The following NUP85 variants were observed in gnomAD, a reference collection of about 807,000 sequenced individuals.
The protein encoded by NUP85 is nucleoporin 85, also known as nuclear pore complex protein Nup85.
Under a neutral mutation model 92.8 loss-of-function variants are expected in NUP85, and 23 were observed. The ratio of observed to expected loss-of-function variants is 0.25; its 90% CI spans 0.18 to 0.35. The LOEUF (loss-of-function observed/expected upper bound fraction) is 0.35, where lower values mean the gene tolerates loss of function less well. Ranked by LOEUF, NUP85 falls within the 10% of genes least tolerant of loss-of-function variation. The pLI is 1.00. For synonymous variants in NUP85, 314 were observed against 306.9 expected (o/e 1.02, Z -0.24); for missense variants, 759 against 822.8 (o/e 0.92, Z 0.95).
At chr17:75,210,849 C>A (rs947141860) in intron 3 of NUP85, among the ~76,000 whole-genome samples, 2 of 148,724 alleles carry the variant, frequency 1.3e-5, no homozygotes, top group Non-Finnish European at 3.0e-5. Flanking sequence ...CTACAGGCGC[C>A]TGCCACCACA....
chr17:75,228,615 G>T, intron 11 of NUP85: 1 of 985,452 alleles, frequency 1.0e-6, no homozygotes, highest in Non-Finnish European at 1.2e-6. Context: ...TCAGACCCAT[G>T]CACAGTTCTG....
intron 5 of NUP85, 93 bp from the exon 6 acceptor site, chr17:75,215,661 T>C: frequency 8.8e-7 from 1 of 1,136,332 alleles, no homozygotes; most frequent in Non-Finnish European, 1.3e-6. Context: ...AAGGAATGAC[T>C]GTCATATGAG....
rs112195342 is a variant in NUP85 at position 75,221,283 on chromosome 17, C to T, written c.597+2977C>T. Among the ~76,000 whole-genome samples, 43 of 152,162 alleles carry T rather than the reference C, an allele frequency of 2.8e-4. No individual in the cohort carries two copies. In the Middle Eastern group the frequency reaches 0.01, roughly 36 times the overall value. On this transcript the variant is annotated intron_variant, in intron 7 of 18. Transcript: ENST00000245544. ...GGGCGATCTCAGCTGGGATTATAGG[C>T]TCTCGCCATCCTGCCTGGCTCATTT...
In NUP85 at chr17:75,209,173, A is replaced by G. The variant is rs563349802; in HGVS notation, c.127+553A>G. 2.6e-5 allele frequency among the ~76,000 whole-genome samples: 4 copies of G among 152,220 alleles called. No individual in the cohort carries two copies. The South Asian group carries it at 6.2e-4, about 24-fold the overall frequency. ...CCAAAGTGACCAAATTCCTATCAGT[A>G]GCTCCCTTATTGTGAACCTTGCAGA... On this transcript the variant is annotated intron_variant, in intron 2 of 18. Coordinates refer to ENST00000245544, the MANE Select transcript of NUP85 (RefSeq NM_024844.5).
chr17:75,234,980 G>A (rs561720137), intron 17 of NUP85, 120 bp from the exon 18 acceptor site: 95 of 1,040,280 alleles, frequency 9.1e-5, no homozygotes, highest in Non-Finnish European at 3.0e-5. Context: ...TGAGGTATTC[G>A]TATACAAAGC....
chr17:75,208,771 G>A, intron 2 of NUP85, 151 bp downstream of exon 2: 3 of 655,276 alleles, frequency 4.6e-6, no homozygotes, highest in Non-Finnish European at 8.1e-6. Flanking sequence ...GATACAACAG[G>A]GTTTTGTTGT....
intron 7 of NUP85, among the ~76,000 whole-genome samples, 159 bp from the exon 8 acceptor site, chr17:75,224,944 G>A (rs528911633): frequency 4.6e-5 from 7 of 152,334 alleles, no homozygotes; most frequent in Admixed American, 4.6e-4. Context: ...CTTCTGGAGG[G>A]AAAGAGCCAT....
intron 18 of NUP85, 57 bp downstream of exon 18, chr17:75,235,258 A>G (rs1204762426): frequency 5.4e-6 from 7 of 1,288,050 alleles, no homozygotes; most frequent in Non-Finnish European, 7.7e-6. Flanking sequence ...GGCTCCCTCT[A>G]TCTCAGGCTT....
chr17:75,231,648 A>AC lies in NUP85; in HGVS notation c.1244+14dup. ...TGTTTGCTCATCCCAGGTAGGAAGGACCCCATGGGTGTGGGCTATGCGGGT... is the reference window on the plus strand; with the variant it reads ...TGTTTGCTCATCCCAGGTAGGAAGGACCCCCATGGGTGTGGGCTATGCGGGT... On this transcript the variant is annotated intron_variant, in intron 13 of 18. Coordinates refer to ENST00000245544, the MANE Select transcript of NUP85 (RefSeq NM_024844.5). The surrounding 1 kb of genome is among the most constrained non-coding windows in gnomAD (Gnocchi z 4.6). The AC allele has an allele frequency of 6.2e-7, 1 of 1,613,664 alleles. No homozygotes were observed. Among genetic ancestry groups the AC allele is most frequent in the Non-Finnish European group, 8.5e-7 (1 of 1,179,782 alleles).
At chr17:75,229,135 A>G in intron 11 of NUP85, 1 of 985,428 alleles carries the variant, frequency 1.0e-6, no homozygotes, top group Non-Finnish European at 1.2e-6. Flanking sequence ...CTAAAAGGTG[A>G]CAAGTCTTCC....
chr17:75,228,494 G>A (rs1014720293), intron 11 of NUP85: 9 of 985,292 alleles, frequency 9.1e-6, no homozygotes, highest in Middle Eastern at 5.2e-4. Context: ...TGTGAAATGG[G>A]CTGCAATGTC....
At chr17:75,222,697 A>G (rs1423367996) in intron 7 of NUP85, among the ~76,000 whole-genome samples, 2 of 151,956 alleles carry the variant, frequency 1.3e-5, no homozygotes, top group Non-Finnish European at 2.9e-5. Context: ...TTATGTGTGT[A>G]TCTGTTTGGA....
Position 75,231,658 on chromosome 17 carries a change from T to C in NUP85, c.1244+20T>C. The C allele has an allele frequency of 6.2e-7, 1 of 1,613,066 alleles. No individual in the cohort carries two copies. On this transcript the variant is annotated intron_variant, in intron 13 of 18. Coordinates refer to ENST00000245544, the MANE Select transcript of NUP85 (RefSeq NM_024844.5). The surrounding 1 kb of genome is among the most constrained non-coding windows in gnomAD (Gnocchi z 4.6). ...TCCCAGGTAGGAAGGACCCCATGGG[T>C]GTGGGCTATGCGGGTGCTCTTCAGC... is the stretch of plus-strand genomic sequence containing the variant.
In NUP85 at chr17:75,231,302, CCT is replaced by C. The variant is rs775002839; in HGVS notation, c.1095-37_1095-36del. On this transcript the variant is annotated intron_variant, in intron 11 of 18. Coordinates refer to ENST00000245544, the MANE Select transcript of NUP85 (RefSeq NM_024844.5). This position sits in a 1 kb window ranked among gnomAD's most constrained non-coding sequence, Gnocchi z 4.6. ...CACTCTTGTGGGACGCGGCCTGTGC[CCT>C]GATTTTCCTTCTTGCCTTGGTGTCT... The C allele has an allele frequency of 4.4e-6, 7 of 1,608,898 alleles. No individual in the cohort carries two copies. Among genetic ancestry groups the C allele is most frequent in the Non-Finnish European group, 5.1e-6 (6 of 1,175,374 alleles).
At chr17:75,234,390 AT>A (rs1262426712) in intron 16 of NUP85, among the ~76,000 whole-genome samples, 5 of 152,044 alleles carry the variant, frequency 3.3e-5, no homozygotes, top group Non-Finnish European at 7.3e-5. Context: ...GACTCTTGTT[AT>A]GTATTTTGAC....
At position 75,234,749 on chromosome 17, in the gene NUP85, T is replaced by G; in HGVS notation, c.1728T>G (p.Thr576=). ...SRIAPRSFWM[T]LLTDALPLLE... ...TTGCCCCTCGGTCTTTCTGGATGAC[T>G]CTGCTGACAGACGCCTTGCCCCTTT... Residue 576 remains threonine, a synonymous_variant, in exon 17 of 19, where the codon ACT becomes ACG. Transcript: ENST00000245544. The G allele has an allele frequency of 6.2e-7, 1 of 1,614,222 alleles. No individual in the cohort carries two copies. Among genetic ancestry groups the G allele is most frequent in the Non-Finnish European group, 8.5e-7 (1 of 1,180,036 alleles).
rs765056344 is a variant in NUP85, at chr17:75,209,956, A to C, written c.261A>C (p.Glu87Asp). Residue 87 changes from glutamate (E) to aspartate (D), a missense_variant, in exon 3 of 19, where the codon GAA (glutamate) becomes GAC (aspartate). Transcript: ENST00000245544. ...GIFLGLQRID[E>D]ELTGKSRKSQ... The stretch of plus-strand genomic sequence containing the variant: ...TTCTGGGCCTCCAGAGAATTGACGA[A>C]GAGTTGACTGGAAAATCCAGAAAAT... 56 of 1,587,416 alleles carry C rather than the reference A, an allele frequency of 3.5e-5. No homozygotes were observed. Among genetic ancestry groups the C allele is most frequent in the Non-Finnish European group, 4.5e-5 (53 of 1,173,376 alleles).
chr17:75,228,440 C>G (rs1295192735), intron 11 of NUP85: 1 of 985,432 alleles, frequency 1.0e-6, no homozygotes, highest in Non-Finnish European at 1.2e-6. Flanking sequence ...ACCTCCTATC[C>G]TGTTTTGAAA....
At chr17:75,227,686 G>A (rs548315571) in intron 11 of NUP85, among the ~76,000 whole-genome samples, 9 of 151,512 alleles carry the variant, frequency 5.9e-5, no homozygotes, top group African/African-American at 2.2e-4. Context: ...CACCCGGGCT[G>A]GAGTGCAGTG....
Sources: allele counts gnomAD v4.1 joint callset (sites outside exome capture counted in the v4.1 genomes callset), GRCh38; gene constraint gnomAD v4.1.1; non-coding constraint Gnocchi (gnomAD v3.1); transcripts MANE v1.5; gene names NCBI Gene and HGNC (gene_info 2026-07-23, HGNC 2026-07-21).